Variants in PPP1R12B observed in about 807,000 individuals in gnomAD.
PPP1R12B encodes the protein myosin phosphatase target subunit 2.
PPP1R12B carries 76 observed loss-of-function variants against 126.1 expected under a neutral mutation model. That is an observed-to-expected ratio of 0.60 (90% CI 0.50 to 0.73). PPP1R12B has a LOEUF of 0.73. Among genes scored for constraint, PPP1R12B ranks in the 30% least tolerant of loss-of-function variants. The probability of loss-of-function intolerance (pLI) is 0.00; values close to 1 mark genes in which losing one functional copy is unlikely to be tolerated. For synonymous variants in PPP1R12B, 356 were observed against 434.7 expected (o/e 0.82, Z 2.25); for missense variants, 1,052 against 1,205.1 (o/e 0.87, Z 1.88).
Position 202,565,854 on chromosome 1 carries a change from C to T in PPP1R12B, c.2757+1307C>T, listed in dbSNP as rs913246940. On this transcript the variant is annotated intron_variant, in intron 21 of 23. Transcript: ENST00000608999. This position sits in a 1 kb window ranked among gnomAD's most constrained non-coding sequence, Gnocchi z 4.3. ...TAGCTATAGCCCTGCCATAAGGCAGCGGGGTGGACTGAATAAATCTCACTC... is the reference window on the plus strand; with the variant it reads ...TAGCTATAGCCCTGCCATAAGGCAGTGGGGTGGACTGAATAAATCTCACTC... 1.3e-5 allele frequency among the ~76,000 whole-genome samples: 2 copies of T among 150,800 alleles called. No individual in the cohort carries two copies. Among genetic ancestry groups the T allele is most frequent in the Non-Finnish European group, 2.9e-5 (2 of 67,868 alleles).
chr1:202,382,959 ATAAAGT>A (rs1470232775), intron 1 of PPP1R12B, among the ~76,000 whole-genome samples: 1 of 152,178 alleles, frequency 6.6e-6, no homozygotes, highest in Non-Finnish European at 1.5e-5. Flanking sequence ...AGTGATATCA[ATAAAGT>A]TTAAATCTTG....
At chr1:202,351,664 T>C (rs1044288792) in intron 1 of PPP1R12B, among the ~76,000 whole-genome samples, 1 of 152,248 alleles carries the variant, frequency 6.6e-6, no homozygotes, top group African/African-American at 2.4e-5. Flanking sequence ...GTGGTACAAT[T>C]ATCTGAATTA....
intron 1 of PPP1R12B, among the ~76,000 whole-genome samples, chr1:202,404,799 C>T (rs1285326569): frequency 1.3e-5 from 2 of 152,228 alleles, no homozygotes; most frequent in Non-Finnish European, 2.9e-5. Flanking sequence ...CCGCACCCAG[C>T]CCAAATAATG....
At chr1:202,477,950 G>C (rs1227580631) in intron 13 of PPP1R12B, among the ~76,000 whole-genome samples, 2 of 152,188 alleles carry the variant, frequency 1.3e-5, no homozygotes, top group Non-Finnish European at 2.9e-5. Context: ...GTGAGTGTTA[G>C]CCTGGTTTTT....
rs386369339 is a variant in PPP1R12B at position 202,378,247 on chromosome 1, CTTTTTTTTT to C, written c.291+29118_291+29126del. On this transcript the variant is annotated intron_variant, in intron 1 of 23. Transcript: ENST00000608999. Reference sequence around the variant, plus strand: ...TAAAATGCCTCAAGTTGTCTTCATTCTTTTTTTTTTTTTTTTTTTTTGGTCTTTATTCTT... The same window carrying C: ...TAAAATGCCTCAAGTTGTCTTCATTCTTTTTTTTTTTTGGTCTTTATTCTT... 2.9e-4 allele frequency among the ~76,000 whole-genome samples: 27 copies of C among 93,366 alleles called. 1 individual carries two copies. Among genetic ancestry groups the C allele is most frequent in the African/African-American group, 9.5e-4 (23 of 24,128 alleles). 61.3% of individuals were successfully genotyped at this position (93,366 alleles called of 152,430 possible). A position where few individuals can be genotyped will look rare whatever the true frequency, so the allele number is the denominator to read the frequency against.
Position 202,400,848 on chromosome 1 carries a change from C to T in PPP1R12B, c.292-15939C>T, listed in dbSNP as rs1168139153. On this transcript the variant is annotated intron_variant, in intron 1 of 23. Coordinates refer to ENST00000608999, the MANE Select transcript of PPP1R12B (RefSeq NM_002481.4). ...AAGGTCTTATAGCTATTAAGTTCCA[C>T]AGCTGACATTTGAATTCAAACTTTC... 4.6e-5 allele frequency among the ~76,000 whole-genome samples: 7 copies of T among 152,324 alleles called. No individual in the cohort carries two copies. In the East Asian group the frequency reaches 1.3e-3, roughly 29 times the overall value.
intron 5 of PPP1R12B, 121 bp from the exon 6 acceptor site, chr1:202,428,734 G>C: frequency 2.5e-6 from 2 of 795,698 alleles, no homozygotes; most frequent in Non-Finnish European, 4.1e-6. Flanking sequence ...AGATTAGTTT[G>C]AAAAGCAGCT....
chr1:202,438,846 A>G, intron 10 of PPP1R12B: 1 of 1,056,998 alleles, frequency 9.5e-7, no homozygotes. Context: ...GGCCATGGTC[A>G]CTGCTGACTC....
intron 13 of PPP1R12B, among the ~76,000 whole-genome samples, chr1:202,463,910 T>C (rs1397350890): frequency 1.3e-5 from 2 of 152,206 alleles, no homozygotes; most frequent in Non-Finnish European, 1.5e-5. Context: ...TCAACTCTTC[T>C]TCCTGGTAAT....
At chr1:202,418,869 T>C (rs1668426948) in intron 2 of PPP1R12B, among the ~76,000 whole-genome samples, 1 of 152,200 alleles carries the variant, frequency 6.6e-6, no homozygotes, top group South Asian at 2.1e-4. Context: ...TCAGGGCCAA[T>C]GGAGAATGTT....
chr1:202,381,757 A>G (rs1363329216), intron 1 of PPP1R12B, among the ~76,000 whole-genome samples: 2 of 152,182 alleles, frequency 1.3e-5, no homozygotes, highest in Non-Finnish European at 2.9e-5. Flanking sequence ...GCATGTTAAT[A>G]TTAGAATTTT....
At chr1:202,481,984 T>C (rs1232906236) in intron 13 of PPP1R12B, among the ~76,000 whole-genome samples, 1 of 152,090 alleles carries the variant, frequency 6.6e-6, no homozygotes, top group African/African-American at 2.4e-5. Context: ...AGTGAGATCA[T>C]GCAGTATTTT....
At chr1:202,477,521 A>C (rs773893521) in intron 13 of PPP1R12B, among the ~76,000 whole-genome samples, 43 of 151,844 alleles carry the variant, frequency 2.8e-4, no homozygotes, top group African/African-American at 9.7e-4. Flanking sequence ...TAAAATATTC[A>C]CTGGTGATTT....
At position 202,371,345 on chromosome 1, in the gene PPP1R12B, T is replaced by G. The variant is rs375807549; in HGVS notation, c.291+22203T>G. Among the ~76,000 whole-genome samples, 5 of 152,050 alleles carry G rather than the reference T, an allele frequency of 3.3e-5. No individual in the cohort carries two copies. In the East Asian group the frequency reaches 5.8e-4, roughly 18 times the overall value. On this transcript the variant is annotated intron_variant, in intron 1 of 23. Coordinates refer to ENST00000608999, the MANE Select transcript of PPP1R12B (RefSeq NM_002481.4). ...CTACATCTTTGTTGATATTTAATAT[T>G]GTCAGTGCATTTTTTTCCTTTTCTT...
Position 202,365,617 on chromosome 1 carries a change from T to C in PPP1R12B, c.291+16475T>C, listed in dbSNP as rs577599239. ...CTAACCTAGGGATCACACGTCATGC[T>C]GGTATTTAAATTCACATCTGTCTGA... On this transcript the variant is annotated intron_variant, in intron 1 of 23. Coordinates refer to ENST00000608999, the MANE Select transcript of PPP1R12B (RefSeq NM_002481.4). 2.4e-3 allele frequency among the ~76,000 whole-genome samples: 358 copies of C among 152,294 alleles called. 2 individuals are homozygous for C. In the Middle Eastern group the frequency reaches 0.027, roughly 12 times the overall value.
intron 1 of PPP1R12B, among the ~76,000 whole-genome samples, chr1:202,356,629 A>G (rs956960603): frequency 4.6e-5 from 7 of 152,182 alleles, no homozygotes; most frequent in African/African-American, 1.4e-4. Flanking sequence ...AGAGAGCAGA[A>G]TCAGAATAGG....
At chr1:202,515,698 T>C (rs1558322005) in intron 18 of PPP1R12B, among the ~76,000 whole-genome samples, 2 of 152,176 alleles carry the variant, frequency 1.3e-5, no homozygotes, top group Admixed American at 6.5e-5. Flanking sequence ...AGATGATAGA[T>C]GTGTGCCACC....
chr1:202,360,249 C>A (rs1217153806), intron 1 of PPP1R12B, among the ~76,000 whole-genome samples: 1 of 152,174 alleles, frequency 6.6e-6, no homozygotes, highest in Non-Finnish European at 1.5e-5. Context: ...CAGGTTATCT[C>A]TCTTTGTGAT....
chr1:202,513,753 C>T (rs1681802027), intron 18 of PPP1R12B, among the ~76,000 whole-genome samples: 3 of 152,134 alleles, frequency 2.0e-5, no homozygotes, highest in Admixed American at 1.3e-4. Context: ...GCAAAAGGAG[C>T]ATGTTTCCCA....
Sources: gnomAD v4.1 joint callset for allele counts (sites outside exome capture counted in the v4.1 genomes callset) on GRCh38, gnomAD v4.1.1 for gene constraint, Gnocchi (gnomAD v3.1) non-coding constraint, MANE v1.5 for transcripts, NCBI Gene and HGNC (gene_info 2026-07-23, HGNC 2026-07-21) for gene names.